Variants in MRPS18B observed in about 807,000 individuals in gnomAD.
The protein encoded by MRPS18B is mitochondrial ribosomal protein S18B.
Under a neutral mutation model 28.4 loss-of-function variants are expected in MRPS18B, and 27 were observed. That is an observed-to-expected ratio of 0.95 (90% CI 0.70 to 1.31). The LOEUF (loss-of-function observed/expected upper bound fraction) is 1.31. Among genes scored for constraint, MRPS18B ranks in the 40% most tolerant of loss-of-function variants. MRPS18B has a pLI of 0.00. For synonymous variants in MRPS18B, 118 were observed against 123.7 expected, an observed-to-expected ratio of 0.95 and a Z score of 0.30; for missense variants, 343 against 335.9, an observed-to-expected ratio of 1.02 and a Z score of -0.17.
At chr6:30,620,238 A>C in intron 4 of MRPS18B, 1 of 459,434 alleles carries the variant, frequency 2.2e-6, no homozygotes, top group Non-Finnish European at 3.9e-6. Flanking sequence ...AATGGCGTGA[A>C]CCCGGGAGGC....
intron 4 of MRPS18B, among the ~76,000 whole-genome samples, chr6:30,621,782 A>G (rs1039839507): frequency 5.3e-5 from 8 of 152,092 alleles, no homozygotes; most frequent in Admixed American, 5.2e-4. Context: ...CGTCTCTACT[A>G]AAAATACAAA....
At chr6:30,619,449 C>G in intron 1 of MRPS18B, 44 bp from the exon 2 acceptor site, 1 of 1,521,980 alleles carries the variant, frequency 6.6e-7, no homozygotes, top group South Asian at 1.1e-5. Context: ...CAATTTAGTC[C>G]TTTCCTTAAA....
chr6:30,622,626 A>G (rs924024676), intron 4 of MRPS18B, among the ~76,000 whole-genome samples: 1 of 151,596 alleles, frequency 6.6e-6, no homozygotes, highest in Non-Finnish European at 1.5e-5. Flanking sequence ...ATGGGAGCAC[A>G]GTGACAGAAT....
At chr6:30,625,102 T>G (rs948584871) in intron 6 of MRPS18B, among the ~76,000 whole-genome samples, 160 bp downstream of exon 6, 5 of 152,232 alleles carry the variant, frequency 3.3e-5, no homozygotes, top group African/African-American at 1.2e-4. Flanking sequence ...CTGAGTGTCT[T>G]ACTTTATCAT....
intron 6 of MRPS18B, 115 bp from the exon 7 acceptor site, chr6:30,625,387 C>A: frequency 6.6e-6 from 7 of 1,061,174 alleles, no homozygotes; most frequent in Non-Finnish European, 8.3e-6. Flanking sequence ...ATACAACATG[C>A]ATAAATGTAC....
chr6:30,622,555 C>CT (rs1761224623), intron 4 of MRPS18B, among the ~76,000 whole-genome samples: 1 of 115,848 alleles, frequency 8.6e-6, no homozygotes, highest in Admixed American at 1.1e-4. Context: ...CAGGGAGACT[C>CT]TGTCTCAAAA....
chr6:30,625,157 A>G (rs751366043), intron 6 of MRPS18B, among the ~76,000 whole-genome samples: 2 of 151,868 alleles, frequency 1.3e-5, no homozygotes, highest in Non-Finnish European at 2.9e-5. Context: ...TTTCCCTCCT[A>G]TTTTACAACT....
chr6:30,625,764 C>T lies in MRPS18B; in HGVS notation c.744C>T (p.Ser248=), dbSNP rs765096153. The change falls in exon 7 of 7, where the codon TCC becomes TCT. Residue 248 remains serine (S), a synonymous_variant. Coordinates refer to ENST00000259873, the MANE Select transcript of MRPS18B (RefSeq NM_014046.4). Reference sequence around the variant, plus strand: ...CTAGAACACCAGCGGAAGCCTCCTCCACTGGGCAGACAGGCCCTCAGAGTG... The same window carrying T: ...CTAGAACACCAGCGGAAGCCTCCTCTACTGGGCAGACAGGCCCTCAGAGTG... The part of the protein sequence containing the change: ...MPPRTPAEAS[S]TGQTGPQSAL 13 of 1,612,752 alleles carry T rather than the reference C, an allele frequency of 8.1e-6. No homozygotes were observed. Among genetic ancestry groups the T allele is most frequent in the Non-Finnish European group, 9.3e-6 (11 of 1,179,748 alleles).
chr6:30,623,529 G>A (rs368869791), intron 5 of MRPS18B, among the ~76,000 whole-genome samples: 4 of 152,010 alleles, frequency 2.6e-5, no homozygotes, highest in South Asian at 2.1e-4. Context: ...ACTTGGAATC[G>A]TAAATTTAAC....
Position 30,619,902 on chromosome 6 carries a change from GT to G in MRPS18B, c.286-11del, listed in dbSNP as rs748688668. 1.4e-5 allele frequency: 23 copies of G among 1,613,232 alleles called. No individual in the cohort carries two copies. The highest frequency in any genetic ancestry group is 1.7e-5 in the Admixed American group (1 of 59,966). ...ACGTGTTTGAACATCCTTAACTGCT[GT>G]TTTTTTTCTCTCTACAGCGTCGGAA... is the stretch of plus-strand genomic sequence containing the variant. On this transcript the variant is annotated intron_variant, in intron 3 of 6. Transcript: ENST00000259873.
At chr6:30,618,859 T>C (rs957930401) in intron 1 of MRPS18B, among the ~76,000 whole-genome samples, 2 of 152,198 alleles carry the variant, frequency 1.3e-5, no homozygotes, top group Non-Finnish European at 2.9e-5. Flanking sequence ...CCTCTTACTT[T>C]ATTCTTCCAC....
At chr6:30,621,584 C>G (rs976984939) in intron 4 of MRPS18B, among the ~76,000 whole-genome samples, 1 of 152,170 alleles carries the variant, frequency 6.6e-6, no homozygotes, top group Non-Finnish European at 1.5e-5. Flanking sequence ...AAGAACCCTT[C>G]TAACACAGGT....
chr6:30,619,501 C>G lies in MRPS18B; in HGVS notation c.87C>G (p.Leu29=). Residue 29 remains leucine, a synonymous_variant, in exon 2 of 7, where the codon CTC becomes CTG. Coordinates refer to ENST00000259873, the MANE Select transcript of MRPS18B (RefSeq NM_014046.4). ...TTTCTTCTCCTTTGTAGGTTCCCCTCCAGACTCTTTGCACCAAAGCTCCCT... is the reference window on the plus strand; with the variant it reads ...TTTCTTCTCCTTTGTAGGTTCCCCTGCAGACTCTTTGCACCAAAGCTCCCT... ...FRGSHRVQVP[L]QTLCTKAPSE... The G allele has an allele frequency of 6.2e-7, 1 of 1,612,582 alleles. No individual in the cohort carries two copies.
intron 1 of MRPS18B, 144 bp downstream of exon 1, chr6:30,618,087 C>CCA (rs949851674): frequency 3.8e-6 from 3 of 785,922 alleles, no homozygotes; most frequent in African/African-American, 3.5e-5. Context: ...ACCCCCCCCC[C>CCA]ACACCCCGCG....
Position 30,619,621 on chromosome 6 carries a change from G to A in MRPS18B, c.187+20G>A. On this transcript the variant is annotated intron_variant, in intron 2 of 6. Coordinates refer to ENST00000259873, the MANE Select transcript of MRPS18B (RefSeq NM_014046.4). ...CAGAAGGTACCTCTAAAGGGGGAAA[G>A]GGAGGGTCAGATAGGATTTGAGATA... 6.2e-7 allele frequency: 1 copy of A among 1,610,416 alleles called. No homozygotes were observed.
chr6:30,625,067 G>A (rs1582715603), intron 6 of MRPS18B, 125 bp downstream of exon 6: 13 of 978,620 alleles, frequency 1.3e-5, no homozygotes, highest in Middle Eastern at 2.1e-4. Flanking sequence ...TCTTCCTGAC[G>A]TTACATTGTC....
chr6:30,622,922 C>A (rs753791515), intron 5 of MRPS18B, 24 bp downstream of exon 5: 1 of 1,608,378 alleles, frequency 6.2e-7, no homozygotes, highest in Non-Finnish European at 8.5e-7. Flanking sequence ...CCCTGCACCA[C>A]CAGAGAGCTT....
chr6:30,624,180 C>A (rs1761342210), intron 5 of MRPS18B, among the ~76,000 whole-genome samples: 1 of 152,022 alleles, frequency 6.6e-6, no homozygotes, highest in Non-Finnish European at 1.5e-5. Flanking sequence ...GCCGTCTCCA[C>A]CTCCTGGGTT....
rs952051955 is a variant in MRPS18B at position 30,626,291 on chromosome 6, A to G, written c.*494A>G. On this transcript the variant is annotated 3_prime_UTR_variant, in exon 7 of 7. Transcript: ENST00000259873. ...GTACAGATGTGTATGGGAAACCCCA[A>G]CCCCTATATATTGTAAATAGATGGG... is the stretch of plus-strand genomic sequence containing the variant. The G allele has an allele frequency of 9.6e-5, 16 of 167,512 alleles. No homozygotes were observed. In the South Asian group the frequency reaches 9.7e-4, roughly 10 times the overall value. 10.4% of individuals were successfully genotyped at this position (167,512 alleles called of 1,614,324 possible). A position where few individuals can be genotyped will look rare whatever the true frequency, so the allele number is the denominator to read the frequency against.
Sources: allele counts gnomAD v4.1 joint callset (sites outside exome capture counted in the v4.1 genomes callset), GRCh38; gene constraint gnomAD v4.1.1; transcripts MANE v1.5; gene names NCBI Gene and HGNC (gene_info 2026-07-23, HGNC 2026-07-21).